The following CNTNAP2 variants were observed in gnomAD, a reference collection of about 807,000 sequenced individuals.
CNTNAP2 encodes the protein contactin associated protein 2.
Under a neutral mutation model 155.2 loss-of-function variants are expected in CNTNAP2, and 98 were observed. That is an observed-to-expected ratio of 0.63 (90% CI 0.54 to 0.75). The LOEUF (loss-of-function observed/expected upper bound fraction) is 0.75. Ranked by LOEUF, CNTNAP2 falls within the 30% of genes least tolerant of loss-of-function variation. The probability of loss-of-function intolerance (pLI) is 0.00; values close to 1 mark genes in which losing one functional copy is unlikely to be tolerated. For synonymous variants in CNTNAP2, 651 were observed against 631.2 expected, an observed-to-expected ratio of 1.03 and a Z score of -0.47; for missense variants, 1,727 against 1,688.1, an observed-to-expected ratio of 1.02 and a Z score of -0.40.
chr7:146,308,795 C>T (rs35349212), intron 1 of CNTNAP2, among the ~76,000 whole-genome samples: 11,788 of 151,730 alleles, frequency 0.078, 629 homozygotes, highest in Non-Finnish European at 0.12. Flanking sequence ...CTTGGACACA[C>T]GGCGGGGAAC....
At chr7:147,170,737 G>A (rs973871444) in intron 8 of CNTNAP2, among the ~76,000 whole-genome samples, 1 of 152,132 alleles carries the variant, frequency 6.6e-6, no homozygotes, top group South Asian at 2.1e-4. Context: ...CTAAGGGGCC[G>A]CAGGCTGCCA....
intron 13 of CNTNAP2, among the ~76,000 whole-genome samples, chr7:147,799,140 G>A (rs2116585663): frequency 6.6e-6 from 1 of 152,314 alleles, no homozygotes; most frequent in Non-Finnish European, 1.5e-5. Flanking sequence ...TATCTCAGCA[G>A]TTCTGTGAGT....
At chr7:147,045,385 C>G in intron 4 of CNTNAP2, among the ~76,000 whole-genome samples, 1 of 152,018 alleles carries the variant, frequency 6.6e-6, no homozygotes, top group African/African-American at 2.4e-5. Context: ...AGAAATTGGT[C>G]AAAATATTAG....
chr7:147,839,883 ATG>A lies in CNTNAP2; in HGVS notation c.2099-63668_2099-63667del, dbSNP rs565707928. On this transcript the variant is annotated intron_variant, in intron 13 of 23. Coordinates refer to ENST00000361727, the MANE Select transcript of CNTNAP2 (RefSeq NM_014141.6). ...TGGATAAAGACAATGTGGTGTATAT[ATG>A]TGTGTGTGTGTGTATATATATGTGT... 6.0e-4 allele frequency among the ~76,000 whole-genome samples: 91 copies of A among 151,780 alleles called. 1 individual carries two copies. Among genetic ancestry groups the A allele is most frequent in the African/African-American group, 1.5e-3 (64 of 41,376 alleles).
intron 22 of CNTNAP2, among the ~76,000 whole-genome samples, chr7:148,395,282 T>C (rs190331593): frequency 3.9e-5 from 6 of 152,066 alleles, no homozygotes; most frequent in Non-Finnish European, 5.9e-5. Context: ...TGTTTGGCTC[T>C]CTCTCTTATT....
chr7:146,464,060 T>C (rs1465902397), intron 1 of CNTNAP2, among the ~76,000 whole-genome samples: 1 of 152,114 alleles, frequency 6.6e-6, no homozygotes, highest in African/African-American at 2.4e-5. Context: ...CTTATTTTCT[T>C]ATATTCAATT....
chr7:148,229,584 A>T, intron 19 of CNTNAP2, 62 bp from the exon 20 acceptor site: 5 of 1,556,534 alleles, frequency 3.2e-6, no homozygotes, highest in Non-Finnish European at 4.4e-6. Flanking sequence ...AATTGAGGGG[A>T]TGTGACATTA....
At chr7:146,667,769 T>C (rs1444801065) in intron 1 of CNTNAP2, among the ~76,000 whole-genome samples, 6 of 152,046 alleles carry the variant, frequency 3.9e-5, no homozygotes, top group African/African-American at 1.4e-4. Context: ...TGATCTCTTT[T>C]TTTTAGTTTG....
At chr7:147,750,965 G>A (rs890325961) in intron 13 of CNTNAP2, among the ~76,000 whole-genome samples, 15 of 152,104 alleles carry the variant, frequency 9.9e-5, no homozygotes, top group Admixed American at 2.0e-4. Context: ...GCGTGAACCC[G>A]AGAGGCGGAG....
At chr7:147,663,222 C>A (rs539519321) in intron 13 of CNTNAP2, among the ~76,000 whole-genome samples, 29 of 152,290 alleles carry the variant, frequency 1.9e-4, no homozygotes, top group African/African-American at 6.7e-4. Flanking sequence ...GGTCTCCAAC[C>A]CTTGACCTCG....
At chr7:147,293,646 A>G (rs950605997) in intron 8 of CNTNAP2, among the ~76,000 whole-genome samples, 2 of 152,158 alleles carry the variant, frequency 1.3e-5, no homozygotes, top group African/African-American at 4.8e-5. Flanking sequence ...GTTTGCCATT[A>G]TATTTTAAAT....
At position 146,648,998 on chromosome 7, in the gene CNTNAP2, A is replaced by C. The variant is rs1799861986; in HGVS notation, c.98-125273A>C. Among the ~76,000 whole-genome samples the C allele has an allele frequency of 2.6e-5, 4 of 152,206 alleles. No individual in the cohort carries two copies. In the South Asian group the frequency reaches 8.3e-4, roughly 32 times the overall value. On this transcript the variant is annotated intron_variant, in intron 1 of 23. Coordinates refer to ENST00000361727, the MANE Select transcript of CNTNAP2 (RefSeq NM_014141.6). ...GTAGTAGACAGAAGAAGACAGAAAAAAATTTTAAAAAGCAATTCAGAATGT... is the reference window on the plus strand; with the variant it reads ...GTAGTAGACAGAAGAAGACAGAAAACAATTTTAAAAAGCAATTCAGAATGT...
intron 13 of CNTNAP2, among the ~76,000 whole-genome samples, chr7:147,826,044 G>T (rs1005757736): frequency 6.6e-5 from 10 of 152,162 alleles, no homozygotes; most frequent in African/African-American, 2.4e-4. Flanking sequence ...TTTACATCAG[G>T]CTAAGGAGTT....
chr7:147,965,153 C>A (rs1801184085), intron 14 of CNTNAP2, among the ~76,000 whole-genome samples: 1 of 152,146 alleles, frequency 6.6e-6, no homozygotes, highest in Admixed American at 6.6e-5. Flanking sequence ...CATTCCCCAG[C>A]AATGGTCAGT....
chr7:147,772,446 CTATATATATATATATATATATATA>C lies in CNTNAP2; in HGVS notation c.2099-131104_2099-131081del, dbSNP rs58027241. ...AATATATATATTATTCTCTCTCTCG[CTATATATATATATATATATATATA>C]TATATATATATATACACACACAAAA... On this transcript the variant is annotated intron_variant, in intron 13 of 23. Transcript: ENST00000361727. Among the ~76,000 whole-genome samples the C allele has an allele frequency of 5.8e-4, 37 of 63,736 alleles. 2 individuals are homozygous for C. In the East Asian group the frequency reaches 0.019, roughly 33 times the overall value. The allele number at this position is 63,736 out of a possible 152,430, so 41.8% of individuals were successfully genotyped here.
At chr7:146,117,033 C>A in intron 1 of CNTNAP2, 60 bp downstream of exon 1, 2 of 1,422,030 alleles carry the variant, frequency 1.4e-6, no homozygotes, top group South Asian at 2.5e-5. Flanking sequence ...TGATGTTTGG[C>A]ACCAGGGTAT....
chr7:147,883,114 T>C (rs1014271775), intron 13 of CNTNAP2, among the ~76,000 whole-genome samples: 2 of 152,158 alleles, frequency 1.3e-5, no homozygotes, highest in African/African-American at 4.8e-5. Context: ...GTGTTGGCTA[T>C]ACCAGGGTCT....
intron 2 of CNTNAP2, among the ~76,000 whole-genome samples, chr7:146,777,642 C>T (rs1585085831): frequency 6.6e-6 from 1 of 151,730 alleles, no homozygotes; most frequent in Non-Finnish European, 1.5e-5. Flanking sequence ...CAGCTCACTA[C>T]AAGCTCCACC....
chr7:147,878,206 T>C (rs1047668414), intron 13 of CNTNAP2, among the ~76,000 whole-genome samples: 3 of 152,064 alleles, frequency 2.0e-5, no homozygotes, highest in Non-Finnish European at 4.4e-5. Flanking sequence ...TTATTACTCA[T>C]TGGAAAATTA....
Sources: gnomAD v4.1 joint callset for allele counts (sites outside exome capture counted in the v4.1 genomes callset) on GRCh38, gnomAD v4.1.1 for gene constraint, MANE v1.5 for transcripts, NCBI Gene and HGNC (gene_info 2026-07-23, HGNC 2026-07-21) for gene names.